The following CNTNAP2 variants were observed in gnomAD, a reference collection of about 807,000 sequenced individuals.
The protein encoded by CNTNAP2 is contactin associated protein 2, also known as contactin-associated protein-like 2.
A neutral mutation model predicts 155.2 loss-of-function variants in CNTNAP2; 98 were observed. The ratio of observed to expected loss-of-function variants is 0.63; its 90% CI spans 0.54 to 0.75. The LOEUF (loss-of-function observed/expected upper bound fraction) is 0.75, where lower values mean the gene tolerates loss of function less well. Ranked by LOEUF, CNTNAP2 falls within the 30% of genes least tolerant of loss-of-function variation. The pLI is 0.00. For missense variants in CNTNAP2, 1,727 were observed against 1,688.1 expected, an observed-to-expected ratio of 1.02 and a Z score of -0.40; for synonymous variants, 651 against 631.2, an observed-to-expected ratio of 1.03 and a Z score of -0.47.
intron 15 of CNTNAP2, among the ~76,000 whole-genome samples, chr7:148,030,563 T>A (rs2116461168): frequency 6.6e-6 from 1 of 152,188 alleles, no homozygotes; most frequent in Non-Finnish European, 1.5e-5. Flanking sequence ...TTCTCTAAGT[T>A]TTTAAAAATA....
intron 1 of CNTNAP2, among the ~76,000 whole-genome samples, chr7:146,342,536 T>C (rs1320711128): frequency 6.6e-6 from 1 of 152,180 alleles, no homozygotes; most frequent in Admixed American, 6.5e-5. Context: ...TGTATGTATA[T>C]GCATGATAAA....
intron 13 of CNTNAP2, chr7:147,672,340 A>G (rs934837111): frequency 2.6e-5 from 4 of 152,258 alleles, no homozygotes; most frequent in Non-Finnish European, 5.9e-5. Context: ...ATAGAAAATG[A>G]CATTTATGAC....
chr7:147,074,275 C>G (rs1399103459), intron 4 of CNTNAP2, among the ~76,000 whole-genome samples: 2 of 152,090 alleles, frequency 1.3e-5, no homozygotes, highest in Admixed American at 6.5e-5. Flanking sequence ...CTTGGTTGGC[C>G]TATGCTATGG....
At chr7:148,311,641 G>A (rs1797597457) in intron 21 of CNTNAP2, among the ~76,000 whole-genome samples, 1 of 152,130 alleles carries the variant, frequency 6.6e-6, no homozygotes, top group African/African-American at 2.4e-5. Context: ...TCCCTGAAGA[G>A]TAGCAGAATA....
chr7:147,745,152 G>A (rs1030130657), intron 13 of CNTNAP2, among the ~76,000 whole-genome samples: 4 of 152,280 alleles, frequency 2.6e-5, no homozygotes, highest in Non-Finnish European at 5.9e-5. Context: ...TTGCAGTTTA[G>A]GCAAATCAAT....
intron 3 of CNTNAP2, among the ~76,000 whole-genome samples, chr7:147,021,595 T>C (rs777231131): frequency 2.6e-5 from 4 of 152,190 alleles, no homozygotes; most frequent in Non-Finnish European, 5.9e-5. Context: ...CTCACAGTTA[T>C]AAAACAACCT....
At chr7:146,132,887 C>G (rs1299042696) in intron 1 of CNTNAP2, among the ~76,000 whole-genome samples, 2 of 148,976 alleles carry the variant, frequency 1.3e-5, no homozygotes, top group African/African-American at 5.0e-5. Context: ...GTGCATGTGT[C>G]TTTATAGCAG....
chr7:146,612,222 T>C (rs1256661222), intron 1 of CNTNAP2, among the ~76,000 whole-genome samples: 2 of 108,434 alleles, frequency 1.8e-5, no homozygotes, highest in East Asian at 4.0e-4. Context: ...TTAACAGATA[T>C]GTGATTTATA....
chr7:146,697,803 T>C (rs1348741712), intron 1 of CNTNAP2, among the ~76,000 whole-genome samples: 2 of 152,192 alleles, frequency 1.3e-5, no homozygotes, highest in Admixed American at 6.6e-5. Flanking sequence ...GATATATTTA[T>C]ATTAATGCCT....
intron 1 of CNTNAP2, among the ~76,000 whole-genome samples, chr7:146,667,445 A>G (rs931327618): frequency 2.6e-5 from 4 of 151,738 alleles, no homozygotes; most frequent in Non-Finnish European, 4.4e-5. Context: ...TTCAGGATTT[A>G]TTTGGCTATT....
chr7:148,317,937 T>G (rs1797720418), intron 21 of CNTNAP2, among the ~76,000 whole-genome samples: 1 of 151,968 alleles, frequency 6.6e-6, no homozygotes. Flanking sequence ...TAACTCGGCC[T>G]CCCAAAGTGC....
rs73469051 is a variant in CNTNAP2, at chr7:147,078,745, T to C, written c.551-29402T>C. On this transcript the variant is annotated intron_variant, in intron 4 of 23. Coordinates refer to ENST00000361727, the MANE Select transcript of CNTNAP2 (RefSeq NM_014141.6). ...ATATTGAATTTTTCTTCTTTAATTG[T>C]CTCATTTAATTTTTTTTTTTTTGAG... Among the ~76,000 whole-genome samples, 707 of 146,762 alleles carry C rather than the reference T, an allele frequency of 4.8e-3. 5 individuals are homozygous for C. Among genetic ancestry groups the C allele is most frequent in the African/African-American group, 0.018 (664 of 36,400 alleles).
chr7:148,321,005 G>C (rs1222302263), intron 21 of CNTNAP2, among the ~76,000 whole-genome samples: 1 of 152,174 alleles, frequency 6.6e-6, no homozygotes, highest in Non-Finnish European at 1.5e-5. Flanking sequence ...AGAGTAAAGA[G>C]AGGTTTCTTC....
At chr7:146,182,289 A>G (rs116399741) in intron 1 of CNTNAP2, among the ~76,000 whole-genome samples, 2,230 of 152,224 alleles carry the variant, frequency 0.015, 61 homozygotes, top group African/African-American at 0.051. Flanking sequence ...CACTAGTCCA[A>G]TAATCTTTCC....
At chr7:147,951,400 T>C (rs1800928045) in intron 14 of CNTNAP2, among the ~76,000 whole-genome samples, 2 of 152,202 alleles carry the variant, frequency 1.3e-5, no homozygotes, top group East Asian at 3.8e-4. Context: ...GTAGGCTTTA[T>C]AGTGGAGAGA....
At chr7:147,453,480 C>A (rs1797868467) in intron 10 of CNTNAP2, among the ~76,000 whole-genome samples, 1 of 152,278 alleles carries the variant, frequency 6.6e-6, no homozygotes, top group East Asian at 1.9e-4. Context: ...TTCCTAGATT[C>A]TTGCACAGGG....
At chr7:146,368,117 G>T (rs1054756325) in intron 1 of CNTNAP2, among the ~76,000 whole-genome samples, 1 of 152,020 alleles carries the variant, frequency 6.6e-6, no homozygotes, top group African/African-American at 2.4e-5. Context: ...TCCCTCCTCA[G>T]CATACCTGAT....
intron 13 of CNTNAP2, among the ~76,000 whole-genome samples, chr7:147,789,396 G>A (rs1444583288): frequency 6.6e-6 from 1 of 152,046 alleles, no homozygotes; most frequent in African/African-American, 2.4e-5. Context: ...TACAAATCCA[G>A]TCTCCCCACT....
intron 3 of CNTNAP2, among the ~76,000 whole-genome samples, chr7:146,892,928 T>G (rs1480933636): frequency 6.6e-6 from 1 of 152,214 alleles, no homozygotes; most frequent in Non-Finnish European, 1.5e-5. Context: ...ACTTGATATT[T>G]AAATCTCTAT....
Sources: gnomAD v4.1 joint callset for allele counts (sites outside exome capture counted in the v4.1 genomes callset) on GRCh38, gnomAD v4.1.1 for gene constraint, MANE v1.5 for transcripts, NCBI Gene and HGNC (gene_info 2026-07-23, HGNC 2026-07-21) for gene names.